Variants in MDGA2 observed in about 807,000 individuals in gnomAD.
MDGA2 encodes MAM domain containing glycosylphosphatidylinositol anchor 2, also known as MAM domain-containing glycosylphosphatidylinositol anchor protein 2.
MDGA2 carries 40 observed loss-of-function variants against 117.8 expected under a neutral mutation model. That is an observed-to-expected ratio of 0.34 (90% CI 0.26 to 0.44). The LOEUF (loss-of-function observed/expected upper bound fraction) is 0.44, where lower values mean the gene tolerates loss of function less well. Among genes scored for constraint, MDGA2 ranks in the 20% least tolerant of loss-of-function variants. The pLI is 1.00. For synonymous variants in MDGA2, 452 were observed against 439.0 expected (o/e 1.03, Z -0.37); for missense variants, 1,123 against 1,250.6 (o/e 0.90, Z 1.54).
At chr14:47,079,934 T>C (rs1890646358) in intron 6 of MDGA2, among the ~76,000 whole-genome samples, 1 of 151,884 alleles carries the variant, frequency 6.6e-6, no homozygotes, top group South Asian at 2.1e-4. Context: ...GGTTTCACCG[T>C]GTTAGTCAGG....
intron 1 of MDGA2, among the ~76,000 whole-genome samples, chr14:47,441,250 A>G (rs1031872718): frequency 6.6e-6 from 1 of 152,210 alleles, no homozygotes; most frequent in Non-Finnish European, 1.5e-5. Context: ...GCAGCTGGTC[A>G]CGGAAACCAA....
At chr14:46,994,224 T>C (rs1356832848) in intron 8 of MDGA2, among the ~76,000 whole-genome samples, 1 of 152,124 alleles carries the variant, frequency 6.6e-6, no homozygotes, top group Non-Finnish European at 1.5e-5. Flanking sequence ...GATGGAAGCC[T>C]CACACTCGGA....
chr14:47,082,232 G>A (rs1890732973), intron 6 of MDGA2, among the ~76,000 whole-genome samples: 2 of 149,632 alleles, frequency 1.3e-5, no homozygotes, highest in Non-Finnish European at 3.0e-5. Context: ...CACTCCCATA[G>A]AGAAAAAAGA....
rs184726076 is a variant in MDGA2 at position 47,071,243 on chromosome 14, T to C, written c.1196-9665A>G. On this transcript the variant is annotated intron_variant, in intron 6 of 16. Transcript: ENST00000399232. ...GAGAGTATTTGAGAGTTAAAGAGGT[T>C]AATTTAATCCCTTTATAAAGCTATC... Among the ~76,000 whole-genome samples the C allele has an allele frequency of 7.3e-3, 1,115 of 152,302 alleles. 7 individuals are homozygous for C. Among genetic ancestry groups the C allele is most frequent in the Middle Eastern group, 0.024 (7 of 294 alleles).
chr14:46,983,766 T>G (rs1886768110), intron 8 of MDGA2, among the ~76,000 whole-genome samples: 1 of 152,080 alleles, frequency 6.6e-6, no homozygotes, highest in African/African-American at 2.4e-5. Flanking sequence ...ACTAACATAT[T>G]TCTTGTCTTT....
chr14:47,365,041 A>C (rs1260251146), intron 1 of MDGA2, among the ~76,000 whole-genome samples: 1 of 152,254 alleles, frequency 6.6e-6, no homozygotes, highest in African/African-American at 2.4e-5. Flanking sequence ...CCAACTGTAC[A>C]AAATAAAGTT....
chr14:47,435,487 A>T (rs998191593), intron 1 of MDGA2, among the ~76,000 whole-genome samples: 81 of 152,206 alleles, frequency 5.3e-4, no homozygotes, highest in African/African-American at 1.7e-3. Flanking sequence ...TAACCTAGAA[A>T]TTGGCATTCT....
At chr14:46,847,644 T>G (rs1880895074) in intron 15 of MDGA2, among the ~76,000 whole-genome samples, 1 of 151,910 alleles carries the variant, frequency 6.6e-6, no homozygotes, top group Non-Finnish European at 1.5e-5. Context: ...TATGAACATT[T>G]GAGAGAATTG....
chr14:47,154,589 T>C (rs1883293563), intron 3 of MDGA2, among the ~76,000 whole-genome samples: 1 of 152,152 alleles, frequency 6.6e-6, no homozygotes, highest in Admixed American at 6.5e-5. Flanking sequence ...GGCTCCAATT[T>C]TGGAGCAAAG....
intron 1 of MDGA2, among the ~76,000 whole-genome samples, chr14:47,330,788 T>G (rs1433527888): frequency 3.9e-5 from 6 of 151,956 alleles, no homozygotes; most frequent in Non-Finnish European, 7.4e-5. Flanking sequence ...GGCCATTTCC[T>G]TTTTGACAGC....
In MDGA2 at chr14:47,674,717, A is replaced by G; in HGVS notation, c.80T>C (p.Leu27Pro). 1.1e-6 allele frequency: 1 copy of G among 869,670 alleles called. No homozygotes were observed. Among genetic ancestry groups the G allele is most frequent in the East Asian group, 2.6e-5 (1 of 37,740 alleles). 53.9% of individuals were successfully genotyped at this position (869,670 alleles called of 1,614,324 possible). A position where few individuals can be genotyped will look rare whatever the true frequency, so the allele number is the denominator to read the frequency against. The stretch of plus-strand genomic sequence containing the variant: ...GAGGTGCCCGGGAACCGCTCGCCGA[A>G]GGAGGAAGCGCCGTCCGTCTGTCCT... ...RGRTDGRRFLLRRAVPGHLGL... is the reference protein window; with the variant it reads ...RGRTDGRRFLPRRAVPGHLGL... The change falls in exon 1 of 17, where the codon CTT (leucine) becomes CCT (proline). Residue 27 changes from leucine to proline, a missense_variant. Around this residue, in one of 2 missense-constraint regions of MDGA2, gnomAD observed 233 missense variants for 200.3 expected, o/e 1.16. Coordinates refer to ENST00000399232, the MANE Select transcript of MDGA2 (RefSeq NM_001113498.3).
chr14:47,360,051 G>T (rs1891082470), intron 1 of MDGA2, among the ~76,000 whole-genome samples: 1 of 151,962 alleles, frequency 6.6e-6, no homozygotes, highest in South Asian at 2.1e-4. Context: ...CAAATAACTT[G>T]ATTAAAAGAT....
intron 1 of MDGA2, among the ~76,000 whole-genome samples, chr14:47,652,986 C>T (rs73249226): frequency 0.024 from 3,592 of 152,232 alleles, 78 homozygotes; most frequent in African/African-American, 0.058. Context: ...GGCTGAAGCA[C>T]TGTCTGACAA....
At chr14:47,134,769 C>T (rs757583712) in intron 4 of MDGA2, among the ~76,000 whole-genome samples, 3 of 147,364 alleles carry the variant, frequency 2.0e-5, no homozygotes, top group African/African-American at 7.6e-5. Context: ...TATATACACA[C>T]ACACACACTA....
At chr14:47,329,646 T>A (rs1452197036) in intron 1 of MDGA2, among the ~76,000 whole-genome samples, 1 of 152,058 alleles carries the variant, frequency 6.6e-6, no homozygotes, top group Non-Finnish European at 1.5e-5. Flanking sequence ...AGAAATTTTT[T>A]AAACTATATA....
intron 5 of MDGA2, among the ~76,000 whole-genome samples, chr14:47,118,426 T>C (rs1322096636): frequency 1.3e-5 from 2 of 152,204 alleles, no homozygotes; most frequent in African/African-American, 4.8e-5. Context: ...CATAAAACAT[T>C]GGATCACCTA....
At chr14:47,517,878 T>A (rs1394456899) in intron 1 of MDGA2, among the ~76,000 whole-genome samples, 11 of 152,298 alleles carry the variant, frequency 7.2e-5, no homozygotes, top group African/African-American at 2.4e-4. Flanking sequence ...AAAAAGTGTG[T>A]CTTAAATGTT....
intron 8 of MDGA2, among the ~76,000 whole-genome samples, chr14:46,965,989 T>C (rs1422069914): frequency 6.6e-6 from 1 of 151,938 alleles, no homozygotes; most frequent in Admixed American, 6.6e-5. Context: ...ATGACTCTTA[T>C]ATTATTATAT....
At chr14:47,076,996 A>G (rs1282645569) in intron 6 of MDGA2, among the ~76,000 whole-genome samples, 1 of 152,122 alleles carries the variant, frequency 6.6e-6, no homozygotes, top group Non-Finnish European at 1.5e-5. Context: ...AGGGCTTTGC[A>G]GCAAAGTTAA....
Sources: gnomAD v4.1 joint callset for allele counts (sites outside exome capture counted in the v4.1 genomes callset) on GRCh38, gnomAD v4.1.1 for gene constraint, gnomAD v4.1.1 regional missense constraint, MANE v1.5 for transcripts, NCBI Gene and HGNC (gene_info 2026-07-23, HGNC 2026-07-21) for gene names.